TKT: variants seen among roughly 807,000 people sequenced by gnomAD.
The protein encoded by TKT is transketolase.
TKT carries 47 observed loss-of-function variants against 63.9 expected under a neutral mutation model. That is an observed-to-expected ratio of 0.74 (90% confidence interval 0.58 to 0.94). The LOEUF (loss-of-function observed/expected upper bound fraction) is 0.94, where lower values mean the gene tolerates loss of function less well. TKT is among the 40% of genes least tolerant of loss of function. TKT has a pLI of 0.00. For synonymous variants in TKT, 338 were observed against 334.1 expected, an observed-to-expected ratio of 1.01 and a Z score of -0.13; for missense variants, 721 against 846.2, an observed-to-expected ratio of 0.85 and a Z score of 1.84.
At chr3:53,238,254 T>C (rs1705123592) in intron 4 of TKT, among the ~76,000 whole-genome samples, 1 of 152,212 alleles carries the variant, frequency 6.6e-6, no homozygotes. Flanking sequence ...CCAGCAACTG[T>C]AGGGAATAAT....
rs1553676017 is a variant in TKT, at chr3:53,228,286, C to T, written c.1469G>A (p.Gly490Glu). Residue 490 changes from glycine to glutamate, a missense_variant, in exon 11 of 14, where the codon GGA becomes GAA. Transcript: ENST00000462138. ...ATGCGAGGCACTGACCTTGGCTTGTCCGACCTGGAAGTCCTCATTGTTGTT... is the reference window on the plus strand; with the variant it reads ...ATGCGAGGCACTGACCTTGGCTTGTTCGACCTGGAAGTCCTCATTGTTGTT... ...IYNNNEDFQV[G>E]QAKVVLKSKD... 1 of 1,614,186 alleles carries T rather than the reference C, an allele frequency of 6.2e-7. No individual in the cohort carries two copies. The highest frequency in any genetic ancestry group is 2.2e-5 in the East Asian group (1 of 44,886).
At chr3:53,226,727 C>T (rs1559644212) in intron 13 of TKT, 29 bp downstream of exon 13, 2 of 1,613,924 alleles carry the variant, frequency 1.2e-6, no homozygotes, top group East Asian at 2.2e-5. Context: ...CTGTCCCTTG[C>T]CCAGCCTGCC....
chr3:53,229,088 C>T lies in TKT; in HGVS notation c.1314G>A (p.Arg438=), dbSNP rs782186664. Residue 438 remains arginine, a synonymous_variant, in exon 10 of 14, where the codon CGG becomes CGA. Transcript: ENST00000462138. ...AAAAGACAGTTGATGTGGGGACTGA[C>T]CGAAACATAGCCAGATCTTCTAGGG... ...QMALEDLAMF[R]SVPTSTVFYP... 8.9e-5 allele frequency: 144 copies of T among 1,614,046 alleles called. No individual in the cohort carries two copies. Among genetic ancestry groups the T allele is most frequent in the Non-Finnish European group, 1.2e-4 (143 of 1,180,030 alleles).
In TKT at chr3:53,234,984, C is replaced by A. The variant is rs374423792; in HGVS notation, c.628G>T (p.Gly210Cys). ...CTCAGGCCACAGCCTCGTACATACC[C>A]GAAGGCCTCGCACCGCTTCTGGTAG... is the stretch of plus-strand genomic sequence containing the variant. ...DIYQKRCEAF[G>C]WHAIIVDGHS... The change falls in exon 5 of 14, where the codon GGT (glycine) becomes TGT (cysteine). Residue 210 changes from glycine (G) to cysteine (C), a missense_variant and splice_region_variant. Physicochemically the swap from Gly to Cys is radical, Grantham distance 159 (BLOSUM62 -3). Transcript: ENST00000462138. 10 of 1,610,734 alleles carry A rather than the reference C, an allele frequency of 6.2e-6. No homozygotes were observed. Among genetic ancestry groups the A allele is most frequent in the African/African-American group, 2.7e-5 (2 of 74,912 alleles).
At chr3:53,232,754 G>A in intron 6 of TKT, 2 of 405,398 alleles carry the variant, frequency 4.9e-6, no homozygotes, top group Non-Finnish European at 4.3e-6. Context: ...GGAGGGAACA[G>A]TTCTCTCCGG....
At position 53,224,812 on chromosome 3, in the gene TKT, G is replaced by T. The variant is rs1704437731; in HGVS notation, c.*944C>A. The T allele has an allele frequency of 6.6e-6, 1 of 152,526 alleles. No individual in the cohort carries two copies. Among genetic ancestry groups the T allele is most frequent in the African/African-American group, 2.4e-5 (1 of 41,460 alleles). The allele number at this position is 152,526 out of a possible 1,614,324, so 9.4% of individuals were successfully genotyped here. A position where few individuals can be genotyped will look rare whatever the true frequency, so the allele number is the denominator to read the frequency against. Reference sequence around the variant, plus strand: ...GCAACAGCTCTGAGGATTTCCTGGGGACTCCACCAGTGGCCGGGGCACCCA... The same window carrying T: ...GCAACAGCTCTGAGGATTTCCTGGGTACTCCACCAGTGGCCGGGGCACCCA... On this transcript the variant is annotated 3_prime_UTR_variant, in exon 14 of 14. Coordinates refer to ENST00000462138, the MANE Select transcript of TKT (RefSeq NM_001064.4).
intron 5 of TKT, chr3:53,234,080 CCCAGATAGATGTGG>C (rs1704897022): frequency 6.6e-6 from 1 of 152,280 alleles, no homozygotes; most frequent in Admixed American, 6.5e-5. Flanking sequence ...ACTCTGAGTC[CCCAGATAGATGTGG>C]CCTTGGGGAG....
intron 2 of TKT, chr3:53,241,846 G>A (rs1363303112): frequency 2.3e-6 from 1 of 433,030 alleles, no homozygotes; most frequent in Non-Finnish European, 4.3e-6. Flanking sequence ...ACACACAACA[G>A]ATGTTTCCGT....
rs1248795397 is a variant in TKT, at chr3:53,234,974, CG to C, written c.629+8del. The C allele has an allele frequency of 2.2e-5, 36 of 1,606,902 alleles. No homozygotes were observed. The highest frequency in any genetic ancestry group is 2.8e-5 in the Non-Finnish European group (33 of 1,175,900). The stretch of plus-strand genomic sequence containing the variant: ...TGTGACCACACTCAGGCCACAGCCT[CG>C]TACATACCCGAAGGCCTCGCACCGC... On this transcript the variant is annotated splice_region_variant and intron_variant, in intron 5 of 13. Coordinates refer to ENST00000462138, the MANE Select transcript of TKT (RefSeq NM_001064.4).
chr3:53,243,637 G>A (rs9858133), intron 1 of TKT: 1 of 456,280 alleles, frequency 2.2e-6, no homozygotes, highest in Non-Finnish European at 4.4e-6. Flanking sequence ...AAGAGGGAGG[G>A]GAGGACATGG....
At chr3:53,234,835 T>C in intron 5 of TKT, 148 bp downstream of exon 5, 1 of 784,898 alleles carries the variant, frequency 1.3e-6, no homozygotes, top group South Asian at 2.5e-5. Flanking sequence ...GCCTAGAGTT[T>C]GAAATTGTGA....
chr3:53,227,813 G>A, intron 12 of TKT: 1 of 443,820 alleles, frequency 2.3e-6, no homozygotes, highest in Non-Finnish European at 4.1e-6. Flanking sequence ...TGCTGGGGGG[G>A]TCTCGACTTT....
Position 53,240,365 on chromosome 3 carries a change from C to A in TKT, c.340-17G>T. On this transcript the variant is annotated splice_polypyrimidine_tract_variant and intron_variant, in intron 3 of 13. Transcript: ENST00000462138. ...AGCTTGTTTCTGTCATAACAGAAGG[C>A]CACCGTTAATCTGAGAGGAGAAGGG... The A allele has an allele frequency of 6.2e-7, 1 of 1,606,168 alleles. No homozygotes were observed. The highest frequency in any genetic ancestry group is 8.5e-7 in the Non-Finnish European group (1 of 1,174,214).
intron 8 of TKT, 132 bp downstream of exon 8, chr3:53,230,325 C>T (rs1704691323): frequency 1.6e-6 from 2 of 1,224,674 alleles, no homozygotes; most frequent in Admixed American, 2.1e-5. Context: ...ACGCTGGGTC[C>T]TGGCTTTTCT....
chr3:53,233,238 C>G lies in TKT; in HGVS notation c.666G>C (p.Glu222Asp). Residue 222 changes from glutamate (E) to aspartate (D), a missense_variant, in exon 6 of 14, where the codon GAG (glutamate) becomes GAC (aspartate). Physicochemically the swap from Glu to Asp is conservative, Grantham distance 45 (BLOSUM62 2). Coordinates refer to ENST00000462138, the MANE Select transcript of TKT (RefSeq NM_001064.4). ...HAIIVDGHSV[E>D]ELCKAFGQAK... is the part of the protein sequence containing the mutation. ...CCTGGCCAAAGGCCTTGCACAGCTC[C>G]TCCACGCTGTGTCCATCCACGATGA... is the stretch of plus-strand genomic sequence containing the variant. 6.2e-7 allele frequency: 1 copy of G among 1,613,462 alleles called. No individual in the cohort carries two copies. Among genetic ancestry groups the G allele is most frequent in the South Asian group, 1.1e-5 (1 of 90,966 alleles).
chr3:53,237,413 A>C (rs1012907539), intron 4 of TKT, among the ~76,000 whole-genome samples: 2 of 150,884 alleles, frequency 1.3e-5, no homozygotes, highest in East Asian at 2.0e-4. Flanking sequence ...AACAAAAAAA[A>C]CCAGCTCTCC....
At chr3:53,226,652 T>A in intron 13 of TKT, 104 bp downstream of exon 13, 1 of 1,542,500 alleles carries the variant, frequency 6.5e-7, no homozygotes, top group Non-Finnish European at 8.9e-7. Flanking sequence ...CTGGGTGTTC[T>A]GGGCCACAGC....
intron 1 of TKT, among the ~76,000 whole-genome samples, chr3:53,242,758 C>T (rs1332173036): frequency 6.6e-6 from 1 of 152,166 alleles, no homozygotes; most frequent in Non-Finnish European, 1.5e-5. Flanking sequence ...GCACCCTGCC[C>T]TCTCAGCACC....
intron 5 of TKT, chr3:53,233,982 G>T (rs1704891752): frequency 6.6e-6 from 1 of 152,234 alleles, no homozygotes; most frequent in East Asian, 1.9e-4. Context: ...ACGCCACAAA[G>T]CAAGTTAGCG....
Sources: gnomAD v4.1 joint callset for allele counts (sites outside exome capture counted in the v4.1 genomes callset) on GRCh38, gnomAD v4.1.1 for gene constraint, MANE v1.5 for transcripts, NCBI Gene and HGNC (gene_info 2026-07-23, HGNC 2026-07-21) for gene names.